Variants in BCL11B observed in about 807,000 individuals in gnomAD.
The protein encoded by BCL11B is BCL11 transcription factor B.
A neutral mutation model predicts 49.9 loss-of-function variants in BCL11B; 8 were observed. The observed-to-expected ratio is 0.16, with a 90% confidence interval of 0.09 to 0.29. BCL11B has a LOEUF of 0.29. Among genes scored for constraint, BCL11B ranks in the 10% least tolerant of loss-of-function variants. The pLI, the probability that BCL11B is intolerant of heterozygous loss-of-function variation, is 1.00. For synonymous variants in BCL11B, 739 were observed against 637.4 expected, an observed-to-expected ratio of 1.16 and a Z score of -2.40; for missense variants, 1,006 against 1,351.0, an observed-to-expected ratio of 0.74 and a Z score of 4.00.
Position 99,236,448 on chromosome 14 carries a change from C to T in BCL11B, c.428-4891G>A, listed in dbSNP as rs1042865033. Among the ~76,000 whole-genome samples the T allele has an allele frequency of 3.3e-5, 5 of 152,092 alleles. No individual in the cohort carries two copies. In the South Asian group the frequency reaches 6.2e-4, roughly 19 times the overall value. ...CAACGGGAAATTAGGATTCTTTTTC[C>T]GGTTTGCTACAGAGGGAAGATGGAG... On this transcript the variant is annotated intron_variant, in intron 2 of 3. Coordinates refer to ENST00000357195, the MANE Select transcript of BCL11B (RefSeq NM_138576.4).
chr14:99,255,246 T>G (rs1043664254), intron 2 of BCL11B, among the ~76,000 whole-genome samples: 1 of 152,026 alleles, frequency 6.6e-6, no homozygotes, highest in Non-Finnish European at 1.5e-5. Flanking sequence ...TTTAAATGCT[T>G]TGAACAAACA....
At chr14:99,218,472 C>CT (rs959942887) in intron 3 of BCL11B, among the ~76,000 whole-genome samples, 23 of 152,258 alleles carry the variant, frequency 1.5e-4, no homozygotes, top group African/African-American at 4.8e-4. Flanking sequence ...TGTGACCACA[C>CT]TGCCTTCCAT....
rs576343559 is a variant in BCL11B at position 99,195,682 on chromosome 14, T to A, written c.641-19487A>T. ...CCTGCAGCATGGGAAGTGCTCAAAA[T>A]AAAGCATAAGTAAGTTTCCTCGAGC... On this transcript the variant is annotated intron_variant, in intron 3 of 3. Transcript: ENST00000357195. This position sits in a 1 kb window ranked among gnomAD's most constrained non-coding sequence, Gnocchi z 4.7. Among the ~76,000 whole-genome samples the A allele has an allele frequency of 7.9e-5, 12 of 152,006 alleles. No homozygotes were observed. The highest frequency in any genetic ancestry group is 1.6e-4 in the Non-Finnish European group (11 of 67,988).
intron 2 of BCL11B, among the ~76,000 whole-genome samples, chr14:99,243,784 T>C (rs189951607): frequency 3.9e-5 from 6 of 152,208 alleles, no homozygotes; most frequent in Non-Finnish European, 8.8e-5. Context: ...AGCAATAAAA[T>C]TGAAGATGCT....
At chr14:99,270,495 G>A (rs535550383) in intron 1 of BCL11B, among the ~76,000 whole-genome samples, 88 of 152,024 alleles carry the variant, frequency 5.8e-4, no homozygotes, top group African/African-American at 2.1e-3. Context: ...GGTGGGGAGG[G>A]GGGCTTGAGC....
chr14:99,174,974 C>G lies in BCL11B; in HGVS notation c.1862G>C (p.Gly621Ala). ...GELLADKQKR[G>A]AFLKRAAGGG... ...GCCCGCCGCACGCTTCAGGAAGGCG[C>G]CGCGCTTCTGCTTGTCGGCCAGGAG... Residue 621 changes from glycine to alanine, a missense_variant, in exon 4 of 4, where the codon GGC becomes GCC. Gly to Ala is a moderately conservative substitution (Grantham distance 60). Transcript: ENST00000357195. 6.4e-7 allele frequency: 1 copy of G among 1,561,494 alleles called. No individual in the cohort carries two copies. The highest frequency in any genetic ancestry group is 8.6e-7 in the Non-Finnish European group (1 of 1,161,594).
rs753885134 is a variant in BCL11B, at chr14:99,257,518, A to G, written c.380T>C (p.Leu127Pro). 1.9e-6 allele frequency: 3 copies of G among 1,613,042 alleles called. No individual in the cohort carries two copies. The highest frequency in any genetic ancestry group is 2.5e-6 in the Non-Finnish European group (3 of 1,179,372). The change falls in exon 2 of 4, where the codon CTG (leucine) becomes CCG (proline). Residue 127 changes from leucine (L) to proline (P), a missense_variant. Coordinates refer to ENST00000357195, the MANE Select transcript of BCL11B (RefSeq NM_138576.4). The surrounding 1 kb of genome is among the most constrained non-coding windows in gnomAD (Gnocchi z 6.2). ...ACAGATGCCTTTCGTGGGTGAGAGC[A>G]GGTGGTCATCTTCGTCGGGGGTGAC... Reference protein sequence around the residue: ...IQVTPDEDDHLLSPTKGICPK... With the variant: ...IQVTPDEDDHPLSPTKGICPK...
In BCL11B at chr14:99,173,409, G is replaced by T. The variant is rs1009832279; in HGVS notation, c.*742C>A. The T allele has an allele frequency of 1.8e-5, 4 of 219,358 alleles. No homozygotes were observed. Among genetic ancestry groups the T allele is most frequent in the Non-Finnish European group, 2.7e-5 (3 of 109,174 alleles). 13.6% of individuals were successfully genotyped at this position (219,358 alleles called of 1,614,324 possible). On this transcript the variant is annotated 3_prime_UTR_variant, in exon 4 of 4. Coordinates refer to ENST00000357195, the MANE Select transcript of BCL11B (RefSeq NM_138576.4). The stretch of plus-strand genomic sequence containing the variant: ...ACTCAAGGTTTCCCTTATGTAATAT[G>T]AAAGCCGAAATCAACACAGAAAAGG...
chr14:99,244,301 T>TCACACA (rs148185625), intron 2 of BCL11B, among the ~76,000 whole-genome samples: 1 of 145,832 alleles, frequency 6.9e-6, no homozygotes, highest in Non-Finnish European at 1.5e-5. Flanking sequence ...TACCCCCCCC[T>TCACACA]CACACACACA....
intron 1 of BCL11B, chr14:99,264,400 T>C (rs114621496): frequency 6.6e-6 from 1 of 152,136 alleles, no homozygotes; most frequent in Non-Finnish European, 1.5e-5. Context: ...GTTGTTTTAG[T>C]AGAAAACTCA....
chr14:99,270,424 T>C (rs1889631607), intron 1 of BCL11B, among the ~76,000 whole-genome samples: 1 of 151,532 alleles, frequency 6.6e-6, no homozygotes, highest in Non-Finnish European at 1.5e-5. Flanking sequence ...CCCACCTTTT[T>C]TGAAGTGGGG....
intron 3 of BCL11B, among the ~76,000 whole-genome samples, chr14:99,200,152 G>A (rs1036301369): frequency 5.9e-5 from 9 of 151,822 alleles, no homozygotes; most frequent in African/African-American, 1.5e-4. Context: ...TCACGGGTGC[G>A]CAGTGAAACC....
chr14:99,179,646 G>A (rs1886643847), intron 3 of BCL11B, among the ~76,000 whole-genome samples: 1 of 152,074 alleles, frequency 6.6e-6, no homozygotes, highest in Non-Finnish European at 1.5e-5. Context: ...CCGTGTCCGG[G>A]AACCGCTTTG....
In BCL11B at chr14:99,195,111, T is replaced by C. The variant is rs893598239; in HGVS notation, c.641-18916A>G. Reference sequence around the variant, plus strand: ...CCAAGGATGAGGCTGGCGCAGGAACTCGAGCCTTCAGACTCCTCTTCTGCC... The same window carrying C: ...CCAAGGATGAGGCTGGCGCAGGAACCCGAGCCTTCAGACTCCTCTTCTGCC... On this transcript the variant is annotated intron_variant, in intron 3 of 3. Coordinates refer to ENST00000357195, the MANE Select transcript of BCL11B (RefSeq NM_138576.4). The surrounding 1 kb of genome is among the most constrained non-coding windows in gnomAD (Gnocchi z 4.7). 6.6e-6 allele frequency among the ~76,000 whole-genome samples: 1 copy of C among 152,194 alleles called. No individual in the cohort carries two copies. Among genetic ancestry groups the C allele is most frequent in the East Asian group, 1.9e-4 (1 of 5,188 alleles).
intron 2 of BCL11B, among the ~76,000 whole-genome samples, chr14:99,245,448 CT>C (rs1416147624): frequency 6.6e-6 from 1 of 152,240 alleles, no homozygotes; most frequent in Non-Finnish European, 1.5e-5. Flanking sequence ...GAAATCCCCA[CT>C]TTGAGATGGG....
intron 3 of BCL11B, among the ~76,000 whole-genome samples, chr14:99,178,853 C>T: frequency 6.6e-6 from 1 of 152,168 alleles, no homozygotes; most frequent in Admixed American, 6.5e-5. Flanking sequence ...CTTTCCGTCG[C>T]TTTAGTTTCT....
chr14:99,225,341 A>G (rs1044311528), intron 3 of BCL11B, among the ~76,000 whole-genome samples: 2 of 152,082 alleles, frequency 1.3e-5, no homozygotes, highest in Non-Finnish European at 2.9e-5. Context: ...ATTGTTATAG[A>G]CTGACTTGAC....
intron 3 of BCL11B, among the ~76,000 whole-genome samples, chr14:99,188,796 G>T (rs959391658): frequency 6.6e-6 from 1 of 152,240 alleles, no homozygotes; most frequent in South Asian, 2.1e-4. Context: ...CTTGGGGCGG[G>T]GGGTGGCGCT....
intron 3 of BCL11B, among the ~76,000 whole-genome samples, chr14:99,178,697 A>C (rs1315443818): frequency 1.3e-5 from 2 of 152,232 alleles, no homozygotes; most frequent in Admixed American, 1.3e-4. Flanking sequence ...GTAATAAAAA[A>C]AGAAGCTAGA....
Sources: allele counts gnomAD v4.1 joint callset (sites outside exome capture counted in the v4.1 genomes callset), GRCh38; gene constraint gnomAD v4.1.1; non-coding constraint Gnocchi (gnomAD v3.1); transcripts MANE v1.5; gene names NCBI Gene and HGNC (gene_info 2026-07-23, HGNC 2026-07-21).